Variants in KLHL21 observed in about 807,000 individuals in gnomAD.
KLHL21 encodes the protein kelch like family member 21, also known as kelch-like protein 21.
Under a neutral mutation model 44.1 loss-of-function variants are expected in KLHL21, and 42 were observed. That is an observed-to-expected ratio of 0.95 (90% CI 0.74 to 1.23). The LOEUF is 1.23. Among genes scored for constraint, KLHL21 ranks in the 50% most tolerant of loss-of-function variants. The pLI, the probability that KLHL21 is intolerant of heterozygous loss-of-function variation, is 0.00. For missense variants in KLHL21, 918 were observed against 889.1 expected (o/e 1.03, Z -0.41); for synonymous variants, 524 against 411.6 (o/e 1.27, Z -3.31).
chr1:6,599,025 G>T, intron 2 of KLHL21, 22 bp downstream of exon 2: 1 of 1,549,654 alleles, frequency 6.5e-7, no homozygotes, highest in East Asian at 2.3e-5. Flanking sequence ...ACACACAGTG[G>T]GGCTCGGCAC....
intron 1 of KLHL21, 75 bp from the exon 2 acceptor site, chr1:6,599,527 C>T: frequency 6.9e-7 from 1 of 1,445,588 alleles, no homozygotes; most frequent in South Asian, 1.3e-5. Context: ...CGAACTTCCG[C>T]AAGGGCCTCT....
intron 1 of KLHL21, chr1:6,599,803 G>T: frequency 3.9e-6 from 1 of 254,400 alleles, no homozygotes; most frequent in Non-Finnish European, 7.5e-6. Context: ...GGGAGCCACA[G>T]AGCTTGTCAG....
intron 3 of KLHL21, chr1:6,594,114 C>T (rs745399215): frequency 1.2e-5 from 12 of 991,564 alleles, no homozygotes; most frequent in Middle Eastern, 5.1e-4. Flanking sequence ...CAGCTTACTG[C>T]GGGGAAAACA....
At chr1:6,600,565 G>C (rs1216435160) in intron 1 of KLHL21, among the ~76,000 whole-genome samples, 2 of 152,222 alleles carry the variant, frequency 1.3e-5, no homozygotes. Context: ...CTTGTTCTTA[G>C]GAAGTGAGCT....
Position 6,593,520 on chromosome 1 carries a change from G to A in KLHL21, c.1639C>T (p.Pro547Ser). Reference protein sequence around the residue: ...TRAWSVVGRLPEPTFWHGSVS... With the variant: ...TRAWSVVGRLSEPTFWHGSVS... Reference sequence around the variant, plus strand: ...CTGCCATGCCAGAAGGTGGGTTCTGGGAGCCGCCCCACCACGCTCCACGCG... The same window carrying A: ...CTGCCATGCCAGAAGGTGGGTTCTGAGAGCCGCCCCACCACGCTCCACGCG... Residue 547 changes from proline (P) to serine (S), a missense_variant, in exon 4 of 4, where the codon CCA (proline) becomes TCA (serine). Pro to Ser is a moderately conservative substitution (Grantham distance 74). Transcript: ENST00000377658. 6.2e-7 allele frequency: 1 copy of A among 1,613,856 alleles called. No homozygotes were observed. The highest frequency in any genetic ancestry group is 1.6e-4 in the Middle Eastern group (1 of 6,062).
In KLHL21 at chr1:6,597,701, C is replaced by A. The variant is rs924951262; in HGVS notation, c.1427+1346G>T. 2.0e-5 allele frequency among the ~76,000 whole-genome samples: 3 copies of A among 152,194 alleles called. 1 individual carries two copies. In the South Asian group the frequency reaches 6.2e-4, roughly 32 times the overall value. On this transcript the variant is annotated intron_variant, in intron 2 of 3. Coordinates refer to ENST00000377658, the MANE Select transcript of KLHL21 (RefSeq NM_014851.4). ...CAAGGCCAGGGCAGCTCTGGCAGTG[C>A]GAGGCAGGGGGCCAAGGAGCAGGGA...
rs1474367997 is a variant in KLHL21 at position 6,602,110 on chromosome 1, C to A, written c.708G>T (p.Ala236=). Residue 236 remains alanine (A), a synonymous_variant, in exon 1 of 4, where the codon GCG becomes GCT. Coordinates refer to ENST00000377658, the MANE Select transcript of KLHL21 (RefSeq NM_014851.4). ...CCACCAGCGGCTCGGCCTCGACGTGCGCCAACAGGTAGAAGCGGCGCACGA... is the reference window on the plus strand; with the variant it reads ...CCACCAGCGGCTCGGCCTCGACGTGAGCCAACAGGTAGAAGCGGCGCACGA... The part of the protein sequence containing the change: ...LPFVRRFYLL[A]HVEAEPLVAR... 7 of 1,467,868 alleles carry A rather than the reference C, an allele frequency of 4.8e-6. No individual in the cohort carries two copies. The Admixed American group carries it at 7.7e-5, about 16-fold the overall frequency. 90.9% of individuals were successfully genotyped at this position (1,467,868 alleles called of 1,614,324 possible). A position where few individuals can be genotyped will look rare whatever the true frequency, so the allele number is the denominator to read the frequency against.
intron 3 of KLHL21, chr1:6,594,107 C>T: frequency 1.0e-6 from 1 of 995,390 alleles, no homozygotes; most frequent in Non-Finnish European, 1.2e-6. Context: ...CTATGTGCAG[C>T]TTACTGCGGG....
chr1:6,601,973 G>A lies in KLHL21; in HGVS notation c.845C>T (p.Thr282Ile), dbSNP rs1316992370. 2.6e-6 allele frequency: 4 copies of A among 1,556,348 alleles called. No homozygotes were observed. The highest frequency in any genetic ancestry group is 1.7e-4 in the Middle Eastern group (1 of 5,992). Residue 282 changes from threonine (T) to isoleucine (I), a missense_variant, in exon 1 of 4, where the codon ACC becomes ATC. Thr to Ile is a moderately conservative substitution (Grantham distance 89, BLOSUM62 -1). Transcript: ENST00000377658. ...PCPRMRPRPSTGLAEILVLVG... is the reference protein window; with the variant it reads ...PCPRMRPRPSIGLAEILVLVG... ...GAGCACGAGGATCTCGGCGAGACCG[G>A]TGGACGGGCGAGGACGCATTCGGGG...
At chr1:6,598,982 G>T in intron 2 of KLHL21, 65 bp downstream of exon 2, 1 of 1,456,418 alleles carries the variant, frequency 6.9e-7, no homozygotes, top group Non-Finnish European at 9.2e-7. Context: ...GCCATGATGT[G>T]TGCTTAAGAC....
chr1:6,599,241 G>C lies in KLHL21; in HGVS notation c.1233C>G (p.Pro411=). The change falls in exon 2 of 4, where the codon CCC becomes CCG. Residue 411 remains proline (P), a synonymous_variant. Transcript: ENST00000377658. The part of the protein sequence containing the change: ...SWEALQPMTY[P]MDNCSTTACR... ...ACGCAGTGGTGGAGCAGTTGTCCAT[G>C]GGGTAGGTCATGGGCTGCAGGGCCT... 6.2e-7 allele frequency: 1 copy of C among 1,614,086 alleles called. No individual in the cohort carries two copies. The highest frequency in any genetic ancestry group is 8.5e-7 in the Non-Finnish European group (1 of 1,180,012).
In KLHL21 at chr1:6,593,510, G is replaced by C. The variant is rs763975782; in HGVS notation, c.1649C>G (p.Thr550Ser). ...GATGCTGACACTGCCATGCCAGAAG[G>C]TGGGTTCTGGGAGCCGCCCCACCAC... ...WSVVGRLPEP[T>S]FWHGSVSIFR... is the part of the protein sequence containing the mutation. Residue 550 changes from threonine (T) to serine (S), a missense_variant, in exon 4 of 4, where the codon ACC becomes AGC. By Grantham distance (58) the Thr-to-Ser change is moderately conservative (BLOSUM62 1). Transcript: ENST00000377658. 2.8e-5 allele frequency: 45 copies of C among 1,613,746 alleles called. 1 individual carries two copies. The South Asian group carries it at 4.6e-4, about 17-fold the overall frequency.
At chr1:6,595,378 G>A (rs997052513) in intron 3 of KLHL21, 107 bp downstream of exon 3, 1 of 993,844 alleles carries the variant, frequency 1.0e-6, no homozygotes, top group Non-Finnish European at 1.6e-6. Context: ...ATTGAGATGA[G>A]ACCCACCCAT....
Position 6,591,037 on chromosome 1 carries a change from C to T in KLHL21, c.*2328G>A, listed in dbSNP as rs1381406832. ...TGGCCATGCCCAGGCATCCCAGCATCTATCCTGAAGTCAGTGTAAAGACAT... is the reference window on the plus strand; with the variant it reads ...TGGCCATGCCCAGGCATCCCAGCATTTATCCTGAAGTCAGTGTAAAGACAT... On this transcript the variant is annotated 3_prime_UTR_variant, in exon 4 of 4. Coordinates refer to ENST00000377658, the MANE Select transcript of KLHL21 (RefSeq NM_014851.4). 5.0e-6 allele frequency: 2 copies of T among 398,584 alleles called. No homozygotes were observed. The highest frequency in any genetic ancestry group is 8.8e-5 in the Admixed American group (2 of 22,726). 24.7% of individuals were successfully genotyped at this position (398,584 alleles called of 1,614,324 possible).
chr1:6,602,676 G>GGAAGTCGCGCCCGCCCGCCGC lies in KLHL21; in HGVS notation c.121_141dup (p.Ala41_Phe47dup), dbSNP rs1553122008. The GGAAGTCGCGCCCGCCCGCCGC allele has an allele frequency of 1.1e-5, 17 of 1,512,224 alleles. No individual in the cohort carries two copies. Among genetic ancestry groups the GGAAGTCGCGCCCGCCCGCCGC allele is most frequent in the African/African-American group, 1.4e-5 (1 of 69,360 alleles). 93.7% of individuals were successfully genotyped at this position (1,512,224 alleles called of 1,614,324 possible). A position where few individuals can be genotyped will look rare whatever the true frequency, so the allele number is the denominator to read the frequency against. On this transcript the variant is annotated inframe_insertion, in exon 1 of 4. Transcript: ENST00000377658. ...GCGGCCAGCACCGCACGGTGCGCCG[G>GGAAGTCGCGCCCGCCCGCCGC]GAAGTCGCGCCCGCCCGCCGCCTCC... is the stretch of plus-strand genomic sequence containing the variant.
chr1:6,600,464 A>T (rs1190340730), intron 1 of KLHL21, among the ~76,000 whole-genome samples: 2 of 152,214 alleles, frequency 1.3e-5, no homozygotes, highest in Non-Finnish European at 2.9e-5. Flanking sequence ...TGGGGGCTGT[A>T]CCCCTTGGCC....
intron 1 of KLHL21, among the ~76,000 whole-genome samples, chr1:6,601,327 G>A (rs1641013960): frequency 6.6e-6 from 1 of 152,326 alleles, no homozygotes; most frequent in Non-Finnish European, 1.5e-5. Context: ...AAGCCCAAGG[G>A]AACCTTGTCA....
intron 3 of KLHL21, 91 bp from the exon 4 acceptor site, chr1:6,593,749 G>A (rs1640887500): frequency 1.4e-6 from 2 of 1,455,538 alleles, no homozygotes; most frequent in Admixed American, 2.6e-5. Context: ...GGCATGCCCT[G>A]TCAGTACCCC....
intron 1 of KLHL21, among the ~76,000 whole-genome samples, chr1:6,600,533 T>C (rs1397191013): frequency 1.3e-5 from 2 of 152,024 alleles, no homozygotes; most frequent in African/African-American, 4.8e-5. Context: ...AGCCCTGAGC[T>C]CTAAAGGGAG....
Sources: gnomAD v4.1 joint callset for allele counts (sites outside exome capture counted in the v4.1 genomes callset) on GRCh38, gnomAD v4.1.1 for gene constraint, MANE v1.5 for transcripts, NCBI Gene and HGNC (gene_info 2026-07-23, HGNC 2026-07-21) for gene names.